Variants in MECOM observed in about 807,000 individuals in gnomAD.
MECOM encodes the protein MDS1 and EVI1 complex locus, also known as histone-lysine N-methyltransferase MECOM.
In MECOM, 13 loss-of-function variants were observed where a neutral mutation model predicts 116.3. The ratio of observed to expected loss-of-function variants is 0.11; its 90% CI spans 0.07 to 0.18. MECOM has a LOEUF of 0.18. Ranked by LOEUF, MECOM falls within the 10% of genes least tolerant of loss-of-function variation. The pLI is 1.00. For missense variants in MECOM, 1,299 were observed against 1,509.0 expected (o/e 0.86, Z 2.31); for synonymous variants, 528 against 535.2 (o/e 0.99, Z 0.19).
At chr3:169,208,643 G>A (rs575920400) in intron 2 of MECOM, among the ~76,000 whole-genome samples, 24 of 152,178 alleles carry the variant, frequency 1.6e-4, no homozygotes, top group African/African-American at 5.8e-4. Context: ...AACAAGGGAT[G>A]TGAAGGACCT....
intron 2 of MECOM, among the ~76,000 whole-genome samples, chr3:169,162,221 T>C (rs1742957836): frequency 1.3e-5 from 2 of 152,160 alleles, no homozygotes; most frequent in Non-Finnish European, 2.9e-5. Context: ...CTCTGATTCC[T>C]TGGCTTTTGA....
chr3:169,377,176 C>A (rs969517926), intron 2 of MECOM, among the ~76,000 whole-genome samples: 1 of 152,164 alleles, frequency 6.6e-6, no homozygotes, highest in East Asian at 1.9e-4. Flanking sequence ...CAAAAATTAA[C>A]TCAAGATGGA....
chr3:169,661,638 A>G lies in MECOM; in HGVS notation c.37+1698T>C, dbSNP rs113378478. On this transcript the variant is annotated intron_variant, in intron 1 of 16. Coordinates refer to ENST00000651503, the MANE Select transcript of MECOM (RefSeq NM_004991.4). ...ACAAAGCACTGGAAAGGCGCCTGGG[A>G]TGACAGCATCTCGCGGGGCTACACC... Among the ~76,000 whole-genome samples the G allele has an allele frequency of 9.2e-3, 1,401 of 152,298 alleles. 9 individuals are homozygous for G. The highest frequency in any genetic ancestry group is 0.015 in the Non-Finnish European group (1,029 of 68,038).
At chr3:169,415,726 C>A (rs577934374) in intron 1 of MECOM, among the ~76,000 whole-genome samples, 42 of 152,042 alleles carry the variant, frequency 2.8e-4, no homozygotes, top group Non-Finnish European at 1.3e-4. Context: ...GCATGGGTTG[C>A]AATCCTAGTC....
chr3:169,293,052 A>G (rs1284375586), intron 2 of MECOM, among the ~76,000 whole-genome samples: 1 of 152,154 alleles, frequency 6.6e-6, no homozygotes, highest in Non-Finnish European at 1.5e-5. Flanking sequence ...ATAACTAATA[A>G]TAGGTACCTC....
intron 2 of MECOM, among the ~76,000 whole-genome samples, chr3:169,206,895 C>T (rs1027206157): frequency 7.9e-5 from 12 of 151,994 alleles, no homozygotes; most frequent in African/African-American, 7.3e-5. Flanking sequence ...CAAACACTGG[C>T]TCAGAGATAA....
intron 2 of MECOM, among the ~76,000 whole-genome samples, chr3:169,353,422 A>T (rs1181778975): frequency 6.6e-6 from 1 of 151,924 alleles, no homozygotes; most frequent in Non-Finnish European, 1.5e-5. Flanking sequence ...AGGAATTTAA[A>T]TTCTGACTAT....
intron 1 of MECOM, among the ~76,000 whole-genome samples, chr3:169,497,144 C>T (rs1753907195): frequency 1.3e-5 from 2 of 152,144 alleles, no homozygotes; most frequent in South Asian, 4.1e-4. Context: ...CCCCATGCCA[C>T]AGTTCATATT....
In MECOM at chr3:169,084,733, T is replaced by G; in HGVS notation, c.*176A>C. 1.6e-6 allele frequency: 1 copy of G among 644,668 alleles called. No individual in the cohort carries two copies. The highest frequency in any genetic ancestry group is 2.5e-6 in the Non-Finnish European group (1 of 407,952). 39.9% of individuals were successfully genotyped at this position (644,668 alleles called of 1,614,324 possible). On this transcript the variant is annotated 3_prime_UTR_variant, in exon 17 of 17. Coordinates refer to ENST00000651503, the MANE Select transcript of MECOM (RefSeq NM_004991.4). ...TGCAAAACAAAATATCGAGAATAAATAGTTTCTTTTTTCTTTCTTTTCTTT... is the reference window on the plus strand; with the variant it reads ...TGCAAAACAAAATATCGAGAATAAAGAGTTTCTTTTTTCTTTCTTTTCTTT...
chr3:169,348,719 T>G (rs1725793475), intron 2 of MECOM, among the ~76,000 whole-genome samples: 1 of 152,036 alleles, frequency 6.6e-6, no homozygotes, highest in Non-Finnish European at 1.5e-5. Flanking sequence ...GATTAATAAC[T>G]TCTACACATT....
intron 2 of MECOM, among the ~76,000 whole-genome samples, chr3:169,241,802 T>C (rs889427909): frequency 1.3e-5 from 2 of 152,182 alleles, no homozygotes; most frequent in African/African-American, 2.4e-5. Context: ...TCACTTTGGC[T>C]ACTTCAGCGA....
At chr3:169,624,740 T>A (rs1295553800) in intron 1 of MECOM, among the ~76,000 whole-genome samples, 12 of 152,180 alleles carry the variant, frequency 7.9e-5, no homozygotes, top group Admixed American at 7.9e-4. Flanking sequence ...GTGGTGAACA[T>A]GGAACTGTTT....
In MECOM at chr3:169,550,806, A is replaced by G. The variant is rs113413909; in HGVS notation, c.37+112530T>C. On this transcript the variant is annotated intron_variant, in intron 1 of 16. Coordinates refer to ENST00000651503, the MANE Select transcript of MECOM (RefSeq NM_004991.4). ...CAAATGTGGTCTTTATAAATGAGAG[A>G]CAGGTTCCCTTTCCTTTTTTTTTTT... 1.9e-3 allele frequency among the ~76,000 whole-genome samples: 288 copies of G among 150,916 alleles called. 2 individuals are homozygous for G. Among genetic ancestry groups the G allele is most frequent in the African/African-American group, 6.9e-3 (285 of 41,014 alleles).
At chr3:169,198,705 A>G (rs1748764335) in intron 2 of MECOM, among the ~76,000 whole-genome samples, 1 of 152,012 alleles carries the variant, frequency 6.6e-6, no homozygotes, top group African/African-American at 2.4e-5. Context: ...TTTTTAGTTC[A>G]AGTATCTATT....
At chr3:169,397,732 G>A (rs1735236721) in intron 1 of MECOM, among the ~76,000 whole-genome samples, 1 of 152,148 alleles carries the variant, frequency 6.6e-6, no homozygotes, top group Non-Finnish European at 1.5e-5. Flanking sequence ...TCAGAGATAG[G>A]CAAACCCCAC....
chr3:169,632,031 T>C (rs1371425007), intron 1 of MECOM, among the ~76,000 whole-genome samples: 1 of 152,072 alleles, frequency 6.6e-6, no homozygotes, highest in Non-Finnish European at 1.5e-5. Flanking sequence ...ACCAATTCCA[T>C]GAGCTGCTAA....
At chr3:169,240,892 G>C (rs1434778298) in intron 2 of MECOM, among the ~76,000 whole-genome samples, 2 of 152,080 alleles carry the variant, frequency 1.3e-5, no homozygotes, top group African/African-American at 4.8e-5. Flanking sequence ...TGTGAGAAAG[G>C]CTTAAACAGT....
intron 2 of MECOM, among the ~76,000 whole-genome samples, chr3:169,266,708 G>A (rs1432545969): frequency 2.0e-5 from 3 of 152,080 alleles, no homozygotes; most frequent in African/African-American, 7.2e-5. Flanking sequence ...TACTATTAAA[G>A]GAAAAACTTC....
chr3:169,391,794 G>T (rs1406238453), intron 1 of MECOM, among the ~76,000 whole-genome samples: 1 of 152,042 alleles, frequency 6.6e-6, no homozygotes, highest in African/African-American at 2.4e-5. Context: ...ATGGTCTCTG[G>T]AAATTGTCAT....
Sources: allele counts gnomAD v4.1 joint callset (sites outside exome capture counted in the v4.1 genomes callset), GRCh38; gene constraint gnomAD v4.1.1; transcripts MANE v1.5; gene names NCBI Gene and HGNC (gene_info 2026-07-23, HGNC 2026-07-21).